The following CACNA2D3 variants were observed in gnomAD, a reference collection of about 807,000 sequenced individuals.
CACNA2D3 encodes the protein calcium voltage-gated channel auxiliary subunit alpha2delta 3.
CACNA2D3 carries 60 observed loss-of-function variants against 160.6 expected under a neutral mutation model. The observed-to-expected ratio is 0.37, with a 90% CI of 0.30 to 0.46. The LOEUF is 0.46. Among genes scored for constraint, CACNA2D3 ranks in the 20% least tolerant of loss-of-function variants. The pLI is 1.00. For missense variants in CACNA2D3, 1,205 were observed against 1,365.0 expected (o/e 0.88, Z 1.85); for synonymous variants, 558 against 492.9 (o/e 1.13, Z -1.75).
intron 2 of CACNA2D3, among the ~76,000 whole-genome samples, chr3:54,279,209 A>C (rs1575363229): frequency 6.6e-6 from 1 of 152,186 alleles, no homozygotes; most frequent in Admixed American, 6.5e-5. Context: ...AGTGGAATGC[A>C]CAAGTCCAAG....
chr3:54,907,617 TTA>T (rs1456311736), intron 27 of CACNA2D3, among the ~76,000 whole-genome samples: 1 of 152,204 alleles, frequency 6.6e-6, no homozygotes, highest in African/African-American at 2.4e-5. Context: ...GTTTCCTGTA[TTA>T]TGTTATTTTT....
chr3:54,832,485 T>A (rs182791572), intron 14 of CACNA2D3, among the ~76,000 whole-genome samples: 1 of 152,212 alleles, frequency 6.6e-6, no homozygotes, highest in East Asian at 1.9e-4. Flanking sequence ...ACCCCTGCAT[T>A]GTTCCATTTA....
chr3:55,062,280 C>CTTTTTT lies in CACNA2D3; in HGVS notation c.2988-11155_2988-11150dup, dbSNP rs10693110. Reference sequence around the variant, plus strand: ...GACTACAGGCACACATCATATCTGTCTTTTTTTTTTTTTTTGACATACAGC... The same window carrying CTTTTTT: ...GACTACAGGCACACATCATATCTGTCTTTTTTTTTTTTTTTTTTTTTGACATACAGC... On this transcript the variant is annotated intron_variant, in intron 35 of 37. Coordinates refer to ENST00000474759, the MANE Select transcript of CACNA2D3 (RefSeq NM_018398.3). 5.8e-3 allele frequency among the ~76,000 whole-genome samples: 812 copies of CTTTTTT among 139,858 alleles called. 14 individuals carry two copies. Among genetic ancestry groups the CTTTTTT allele is most frequent in the African/African-American group, 0.019 (720 of 37,654 alleles). 91.8% of individuals were successfully genotyped at this position (139,858 alleles called of 152,430 possible).
chr3:54,742,103 G>A (rs1294732142), intron 11 of CACNA2D3, among the ~76,000 whole-genome samples: 1 of 152,124 alleles, frequency 6.6e-6, no homozygotes, highest in African/African-American at 2.4e-5. Flanking sequence ...GTGGGCTCAA[G>A]CAGTCTGTCT....
At chr3:54,337,279 A>G (rs1016342855) in intron 3 of CACNA2D3, among the ~76,000 whole-genome samples, 1 of 152,060 alleles carries the variant, frequency 6.6e-6, no homozygotes, top group Middle Eastern at 3.2e-3. Context: ...TTTGCATTCC[A>G]TTTTCTCAAC....
intron 35 of CACNA2D3, among the ~76,000 whole-genome samples, chr3:55,035,997 G>A (rs1307458128): frequency 3.9e-5 from 6 of 152,214 alleles, no homozygotes; most frequent in Non-Finnish European, 8.8e-5. Context: ...CCTTTGCTGT[G>A]TAGATACAAC....
At chr3:54,595,699 G>A (rs999882881) in intron 9 of CACNA2D3, among the ~76,000 whole-genome samples, 1 of 152,064 alleles carries the variant, frequency 6.6e-6, no homozygotes, top group Non-Finnish European at 1.5e-5. Context: ...TATCAGTTTT[G>A]TGGAGCTTTG....
In CACNA2D3 at chr3:54,209,392, G is replaced by A. The variant is rs76768146; in HGVS notation, c.204+85798G>A. The stretch of plus-strand genomic sequence containing the variant: ...CTTGCTGCAGACTCACACTCTAACT[G>A]GGGCTGGGTCTCATAGATGTGAGAG... On this transcript the variant is annotated intron_variant, in intron 2 of 37. Transcript: ENST00000474759. Among the ~76,000 whole-genome samples, 1,031 of 152,282 alleles carry A rather than the reference G, an allele frequency of 6.8e-3. 36 individuals carry two copies. The East Asian group carries it at 0.12, about 17-fold the overall frequency.
intron 2 of CACNA2D3, among the ~76,000 whole-genome samples, chr3:54,228,896 T>A (rs11130403): frequency 0.037 from 5,701 of 152,304 alleles, 221 homozygotes; most frequent in East Asian, 0.21. Flanking sequence ...CTCACATTTG[T>A]TTTCATGGAA....
At chr3:54,810,099 G>T (rs919083166) in intron 13 of CACNA2D3, among the ~76,000 whole-genome samples, 1 of 152,164 alleles carries the variant, frequency 6.6e-6, no homozygotes, top group Non-Finnish European at 1.5e-5. Context: ...AGGGAAGTGG[G>T]GTAGTCAGAG....
At chr3:54,908,896 T>C (rs1289362043) in intron 27 of CACNA2D3, among the ~76,000 whole-genome samples, 4 of 152,168 alleles carry the variant, frequency 2.6e-5, no homozygotes, top group Admixed American at 6.5e-5. Context: ...AAATATCCAC[T>C]ACCTGCTCCT....
chr3:54,141,094 C>CGCGCGCGCGCACACGT (rs768348036), intron 2 of CACNA2D3, among the ~76,000 whole-genome samples: 2 of 81,890 alleles, frequency 2.4e-5, no homozygotes, highest in Admixed American at 2.2e-4. Flanking sequence ...TGTGCGCGCG[C>CGCGCGCGCGCACACGT]GCGCGTGTGT....
chr3:54,175,444 G>A (rs533862353), intron 2 of CACNA2D3, among the ~76,000 whole-genome samples: 139 of 151,660 alleles, frequency 9.2e-4, no homozygotes, highest in African/African-American at 3.1e-3. Context: ...GTGAAACCCC[G>A]TCTCTACTAA....
At chr3:54,240,025 C>A (rs750913318) in intron 2 of CACNA2D3, among the ~76,000 whole-genome samples, 1 of 152,124 alleles carries the variant, frequency 6.6e-6, no homozygotes, top group Non-Finnish European at 1.5e-5. Flanking sequence ...ATAAAGTTTG[C>A]ATAGGGAACA....
chr3:54,308,967 G>A (rs1398106857), intron 2 of CACNA2D3, among the ~76,000 whole-genome samples: 3 of 152,202 alleles, frequency 2.0e-5, no homozygotes, highest in African/African-American at 7.2e-5. Flanking sequence ...TTGCATTTGG[G>A]CTGTAGTTAA....
chr3:54,889,238 A>G (rs1276976440), intron 24 of CACNA2D3, among the ~76,000 whole-genome samples: 1 of 152,228 alleles, frequency 6.6e-6, no homozygotes, highest in African/African-American at 2.4e-5. Context: ...TACTCAGAGC[A>G]GTGGAAGATC....
chr3:54,251,627 C>G (rs1702191445), intron 2 of CACNA2D3, among the ~76,000 whole-genome samples: 1 of 152,190 alleles, frequency 6.6e-6, no homozygotes, highest in Non-Finnish European at 1.5e-5. Flanking sequence ...TATACCAATT[C>G]CATCTCATCT....
rs1158687569 is a variant in CACNA2D3 at position 54,665,527 on chromosome 3, A to C, written c.1167+23286A>C. ...ATTTTTTATTTCCATTAAGAAAATC[A>C]GTTTTCCTCAGCTCCATATACTACT... On this transcript the variant is annotated intron_variant, in intron 11 of 37. Transcript: ENST00000474759. 4.7e-5 allele frequency among the ~76,000 whole-genome samples: 3 copies of C among 63,626 alleles called. No homozygotes were observed. In the East Asian group the frequency reaches 8.0e-4, roughly 17 times the overall value. 41.7% of individuals were successfully genotyped at this position (63,626 alleles called of 152,430 possible).
chr3:54,134,961 G>A (rs946997357), intron 2 of CACNA2D3, among the ~76,000 whole-genome samples: 6 of 152,242 alleles, frequency 3.9e-5, no homozygotes, highest in Admixed American at 6.5e-5. Context: ...CCTCGCAGCC[G>A]CCACCATCAA....
Sources: allele counts gnomAD v4.1 joint callset (sites outside exome capture counted in the v4.1 genomes callset), GRCh38; gene constraint gnomAD v4.1.1; transcripts MANE v1.5; gene names NCBI Gene and HGNC (gene_info 2026-07-23, HGNC 2026-07-21).